Variants in GRM5 observed in about 807,000 individuals in gnomAD.
GRM5 encodes metabotropic glutamate receptor 5.
Under a neutral mutation model 83.1 loss-of-function variants are expected in GRM5, and 19 were observed. The ratio of observed to expected loss-of-function variants is 0.23; its 90% CI spans 0.16 to 0.34. The LOEUF is 0.34. Among genes scored for constraint, GRM5 ranks in the 10% least tolerant of loss-of-function variants. GRM5 has a pLI of 1.00. For missense variants in GRM5, 1,160 were observed against 1,588.3 expected (o/e 0.73, Z 4.58); for synonymous variants, 675 against 633.6 (o/e 1.07, Z -0.98).
At chr11:88,955,363 A>G (rs748175228) in intron 2 of GRM5, among the ~76,000 whole-genome samples, 1 of 152,256 alleles carries the variant, frequency 6.6e-6, no homozygotes, top group Non-Finnish European at 1.5e-5. Flanking sequence ...TTCAGGTTCA[A>G]TGGTAACAGT....
At chr11:88,934,568 A>C (rs921839000) in intron 2 of GRM5, among the ~76,000 whole-genome samples, 1 of 151,848 alleles carries the variant, frequency 6.6e-6, no homozygotes, top group Admixed American at 6.6e-5. Flanking sequence ...ATGAATGCAA[A>C]AGTATATCCA....
chr11:88,989,181 G>T (rs1452567160), intron 2 of GRM5, among the ~76,000 whole-genome samples: 1 of 146,702 alleles, frequency 6.8e-6, no homozygotes, highest in Non-Finnish European at 1.5e-5. Flanking sequence ...CCAAGCAAAT[G>T]GAAAACAAAA....
At chr11:88,645,801 A>G (rs1366979382) in intron 4 of GRM5, among the ~76,000 whole-genome samples, 3 of 152,132 alleles carry the variant, frequency 2.0e-5, no homozygotes, top group Non-Finnish European at 4.4e-5. Context: ...ATGTGAATTC[A>G]GGTAACAATG....
intron 2 of GRM5, among the ~76,000 whole-genome samples, chr11:88,889,550 A>C (rs996137351): frequency 2.0e-5 from 3 of 152,296 alleles, no homozygotes; most frequent in African/African-American, 7.2e-5. Context: ...GAAAATCTTA[A>C]CTGCTTGGCA....
At chr11:88,540,799 G>A (rs555439640) in intron 8 of GRM5, among the ~76,000 whole-genome samples, 130 of 152,000 alleles carry the variant, frequency 8.6e-4, no homozygotes, top group Non-Finnish European at 1.1e-3. Flanking sequence ...GGAGTGCAGT[G>A]GCGTGATCGT....
chr11:89,057,770 T>C (rs1941908533), intron 1 of GRM5, among the ~76,000 whole-genome samples: 1 of 152,198 alleles, frequency 6.6e-6, no homozygotes, highest in Admixed American at 6.5e-5. Context: ...ACATTACATA[T>C]CATTAAATGC....
chr11:88,849,158 C>T (rs1590910108), intron 3 of GRM5, among the ~76,000 whole-genome samples: 1 of 151,238 alleles, frequency 6.6e-6, no homozygotes, highest in African/African-American at 2.4e-5. Context: ...TATATATATA[C>T]ACACACACAT....
chr11:88,678,079 G>C, intron 3 of GRM5, among the ~76,000 whole-genome samples: 1 of 147,106 alleles, frequency 6.8e-6, no homozygotes, highest in East Asian at 2.0e-4. Flanking sequence ...TTTTTTTAGA[G>C]ACAGTGTCTT....
At chr11:88,996,226 T>A (rs1940181654) in intron 2 of GRM5, among the ~76,000 whole-genome samples, 1 of 152,210 alleles carries the variant, frequency 6.6e-6, no homozygotes, top group Non-Finnish European at 1.5e-5. Context: ...CAGCTGTGTC[T>A]TTATCTCTGA....
In GRM5 at chr11:88,684,958, A is replaced by T. The variant is rs117855628; in HGVS notation, c.912-31555T>A. Among the ~76,000 whole-genome samples the T allele has an allele frequency of 3.9e-3, 591 of 152,300 alleles. 14 individuals are homozygous for T. In the East Asian group the frequency reaches 0.062, roughly 16 times the overall value. The stretch of plus-strand genomic sequence containing the variant: ...GTCTTTATTAGCAGCATGAAAACAG[A>T]CTAATTATAATAAATTGGTACCAAG... On this transcript the variant is annotated intron_variant, in intron 3 of 9. Coordinates refer to ENST00000305447, the MANE Select transcript of GRM5 (RefSeq NM_001143831.3).
At chr11:88,682,512 G>A (rs1940520759) in intron 3 of GRM5, among the ~76,000 whole-genome samples, 1 of 152,042 alleles carries the variant, frequency 6.6e-6, no homozygotes, top group Non-Finnish European at 1.5e-5. Flanking sequence ...TATCTACTTA[G>A]CTATATGACA....
chr11:88,737,605 C>G (rs921392585), intron 3 of GRM5, among the ~76,000 whole-genome samples: 1 of 151,860 alleles, frequency 6.6e-6, no homozygotes, highest in Non-Finnish European at 1.5e-5. Flanking sequence ...TACTGACATG[C>G]CAGTATGGAG....
chr11:89,038,983 T>G (rs1382368181), intron 2 of GRM5, among the ~76,000 whole-genome samples: 1 of 152,092 alleles, frequency 6.6e-6, no homozygotes, highest in Non-Finnish European at 1.5e-5. Flanking sequence ...ATAGTATATA[T>G]GGTCAGGCGC....
intron 3 of GRM5, among the ~76,000 whole-genome samples, chr11:88,793,876 A>C (rs1360256930): frequency 1.3e-5 from 2 of 152,132 alleles, no homozygotes; most frequent in African/African-American, 2.4e-5. Flanking sequence ...CCGTGGCTAA[A>C]GTGTAGTGGT....
intron 2 of GRM5, among the ~76,000 whole-genome samples, chr11:88,856,542 T>A (rs1384659431): frequency 2.6e-5 from 4 of 152,094 alleles, no homozygotes; most frequent in Admixed American, 1.3e-4. Flanking sequence ...GTGAATTTTT[T>A]AAATGTATAT....
intron 3 of GRM5, among the ~76,000 whole-genome samples, chr11:88,716,148 A>G (rs1941395753): frequency 6.6e-6 from 1 of 152,042 alleles, no homozygotes; most frequent in African/African-American, 2.4e-5. Flanking sequence ...TGTAAGGTCA[A>G]GGGCAGCTTG....
At chr11:88,737,928 C>A (rs539718263) in intron 3 of GRM5, among the ~76,000 whole-genome samples, 1 of 151,896 alleles carries the variant, frequency 6.6e-6, no homozygotes. Flanking sequence ...GTTCATGAAC[C>A]TTTCCAACAA....
Position 88,915,489 on chromosome 11 carries a change from T to C in GRM5, c.662-65334A>G, listed in dbSNP as rs556681928. 1.9e-4 allele frequency among the ~76,000 whole-genome samples: 29 copies of C among 152,288 alleles called. No individual in the cohort carries two copies. In the East Asian group the frequency reaches 5.4e-3, roughly 28 times the overall value. ...AAGTTCTTGCTCCCTTGCCCCATTA[T>C]GGAGAGTATCTGTTTCTATTACAGC... On this transcript the variant is annotated intron_variant, in intron 2 of 9. Transcript: ENST00000305447.
intron 4 of GRM5, among the ~76,000 whole-genome samples, chr11:88,616,278 T>G (rs1938478433): frequency 6.6e-6 from 1 of 151,924 alleles, no homozygotes; most frequent in Non-Finnish European, 1.5e-5. Flanking sequence ...AGTGCAAATA[T>G]GCCTAATATG....
Sources: gnomAD v4.1 joint callset for allele counts (sites outside exome capture counted in the v4.1 genomes callset) on GRCh38, gnomAD v4.1.1 for gene constraint, MANE v1.5 for transcripts, NCBI Gene and HGNC (gene_info 2026-07-23, HGNC 2026-07-21) for gene names.